CCSER1: variants seen among roughly 807,000 people sequenced by gnomAD.
CCSER1 encodes serine-rich coiled-coil domain-containing protein 1.
In CCSER1, 41 loss-of-function variants were observed where a neutral mutation model predicts 82.0. That is an observed-to-expected ratio of 0.50 (90% confidence interval 0.39 to 0.65). The LOEUF (loss-of-function observed/expected upper bound fraction) is 0.65. Ranked by LOEUF, CCSER1 falls within the 30% of genes least tolerant of loss-of-function variation. The pLI, the probability that CCSER1 is intolerant of heterozygous loss-of-function variation, is 0.00. For synonymous variants in CCSER1, 414 were observed against 383.9 expected (o/e 1.08, Z -0.92); for missense variants, 1,119 against 1,064.2 (o/e 1.05, Z -0.72).
chr4:90,154,304 A>T (rs1277156686), intron 1 of CCSER1, among the ~76,000 whole-genome samples: 10 of 152,200 alleles, frequency 6.6e-5, no homozygotes, highest in Non-Finnish European at 1.2e-4. Flanking sequence ...GTTTGAAGTC[A>T]GGTAGCGTGA....
At chr4:90,886,451 TA>T (rs1280021283) in intron 8 of CCSER1, among the ~76,000 whole-genome samples, 1 of 152,210 alleles carries the variant, frequency 6.6e-6, no homozygotes, top group Non-Finnish European at 1.5e-5. Flanking sequence ...CAGTGAATTT[TA>T]AACACCATTG....
At chr4:91,442,319 A>G (rs533145898) in intron 10 of CCSER1, among the ~76,000 whole-genome samples, 22 of 152,302 alleles carry the variant, frequency 1.4e-4, no homozygotes, top group South Asian at 1.0e-3. Flanking sequence ...ATAATGCCGC[A>G]TATCTACCAC....
chr4:90,819,226 T>G (rs1486084814), intron 8 of CCSER1, among the ~76,000 whole-genome samples: 1 of 152,086 alleles, frequency 6.6e-6, no homozygotes, highest in Admixed American at 6.6e-5. Context: ...CTAAAGACAC[T>G]AATCCTGTCA....
chr4:90,972,742 C>T (rs1735232144), intron 9 of CCSER1, among the ~76,000 whole-genome samples: 1 of 151,640 alleles, frequency 6.6e-6, no homozygotes, highest in African/African-American at 2.4e-5. Flanking sequence ...GGAGGCATCA[C>T]AATTCCTGAT....
intron 5 of CCSER1, among the ~76,000 whole-genome samples, chr4:90,507,621 C>A (rs911847796): frequency 1.3e-5 from 2 of 151,892 alleles, no homozygotes; most frequent in Non-Finnish European, 2.9e-5. Context: ...AGCTATACAG[C>A]AGTTATTCAG....
At chr4:90,229,908 C>T (rs547106955) in intron 1 of CCSER1, among the ~76,000 whole-genome samples, 118 of 152,274 alleles carry the variant, frequency 7.7e-4, no homozygotes, top group South Asian at 1.9e-3. Context: ...ATCAATTCAA[C>T]AAGAAGAGCT....
intron 10 of CCSER1, among the ~76,000 whole-genome samples, chr4:91,288,158 A>T (rs539591060): frequency 1.6e-3 from 187 of 118,410 alleles, no homozygotes; most frequent in African/African-American, 5.4e-3. Context: ...GTATATATAT[A>T]TATACATACA....
intron 8 of CCSER1, among the ~76,000 whole-genome samples, chr4:90,842,947 G>A (rs11725878): frequency 0.57 from 86,066 of 151,986 alleles, 24,870 homozygotes; most frequent in Non-Finnish European, 0.63. Context: ...GCTTTTGCTT[G>A]TTAGAACTAT....
At chr4:90,432,451 TTTC>T (rs1414703337) in intron 4 of CCSER1, among the ~76,000 whole-genome samples, 1 of 152,174 alleles carries the variant, frequency 6.6e-6, no homozygotes, top group Non-Finnish European at 1.5e-5. Flanking sequence ...TGTAATGTTT[TTTC>T]TTTTCAGTAC....
intron 10 of CCSER1, among the ~76,000 whole-genome samples, chr4:91,196,178 C>CAAAAAA (rs61336014): frequency 2.5e-4 from 15 of 60,644 alleles, no homozygotes; most frequent in African/African-American, 3.0e-4. Context: ...AACAGCGAGA[C>CAAAAAA]AAAAAAAAAA....
intron 10 of CCSER1, among the ~76,000 whole-genome samples, chr4:91,518,980 A>G (rs908919480): frequency 1.2e-4 from 18 of 152,156 alleles, no homozygotes; most frequent in African/African-American, 4.1e-4. Context: ...CGTATTGACT[A>G]GGTCCTTTAT....
chr4:91,047,229 C>CAT (rs939571174), intron 9 of CCSER1, among the ~76,000 whole-genome samples: 40 of 150,004 alleles, frequency 2.7e-4, no homozygotes, highest in East Asian at 5.9e-4. Context: ...ATATCCAAAG[C>CAT]ATATATATAT....
intron 6 of CCSER1, among the ~76,000 whole-genome samples, chr4:90,635,019 G>T (rs557014277): frequency 8.6e-5 from 13 of 151,828 alleles, no homozygotes; most frequent in African/African-American, 1.7e-4. Flanking sequence ...TCTTTAGGAA[G>T]ACACAGCAAT....
At chr4:90,618,329 C>T (rs1214133240) in intron 5 of CCSER1, among the ~76,000 whole-genome samples, 5 of 151,984 alleles carry the variant, frequency 3.3e-5, no homozygotes, top group African/African-American at 1.2e-4. Flanking sequence ...ACATTATTTT[C>T]TAGACTATAA....
Position 91,598,876 on chromosome 4 carries a change from C to A in CCSER1, c.2522C>A (p.Thr841Lys). The A allele has an allele frequency of 6.4e-7, 1 of 1,551,632 alleles. No individual in the cohort carries two copies. Among genetic ancestry groups the A allele is most frequent in the Non-Finnish European group, 8.7e-7 (1 of 1,146,922 alleles). Residue 841 changes from threonine (T) to lysine (K), a missense_variant, in exon 11 of 11, where the codon ACG becomes AAG. By Grantham distance (78) the Thr-to-Lys change is moderately conservative. Transcript: ENST00000509176. ...KPTAKTEGLSTFLEKPKDQVA... is the reference protein window; with the variant it reads ...KPTAKTEGLSKFLEKPKDQVA... ...ACAGCTAAGACAGAAGGGCTCTCCA[C>A]GTTCTTAGAGAAACCAAAGGACCAA... is the stretch of plus-strand genomic sequence containing the variant.
intron 10 of CCSER1, among the ~76,000 whole-genome samples, chr4:91,143,381 G>A (rs1373983013): frequency 6.6e-6 from 1 of 151,858 alleles, no homozygotes; most frequent in South Asian, 2.1e-4. Context: ...GTACCTTTTG[G>A]CAGATTATGT....
intron 10 of CCSER1, among the ~76,000 whole-genome samples, chr4:91,123,666 G>A (rs759079475): frequency 5.9e-5 from 9 of 151,748 alleles, no homozygotes; most frequent in Non-Finnish European, 1.2e-4. Context: ...TGTGTGAATA[G>A]AGACTTTCTT....
At chr4:91,588,088 TTTG>T (rs1380476597) in intron 10 of CCSER1, among the ~76,000 whole-genome samples, 1 of 151,600 alleles carries the variant, frequency 6.6e-6, no homozygotes, top group Non-Finnish European at 1.5e-5. Flanking sequence ...TATTTTGTGC[TTTG>T]TTGATTTTTT....
intron 10 of CCSER1, among the ~76,000 whole-genome samples, chr4:91,358,410 T>C (rs975035880): frequency 3.4e-5 from 5 of 146,982 alleles, no homozygotes; most frequent in African/African-American, 1.0e-4. Context: ...TTTTTTTTTT[T>C]CCCGAGACAA....
Sources: allele counts gnomAD v4.1 joint callset (sites outside exome capture counted in the v4.1 genomes callset), GRCh38; gene constraint gnomAD v4.1.1; transcripts MANE v1.5; gene names NCBI Gene and HGNC (gene_info 2026-07-23, HGNC 2026-07-21).